The following ALK variants were observed in gnomAD, a reference collection of about 807,000 sequenced individuals.
The protein encoded by ALK is ALK receptor tyrosine kinase.
ALK carries 74 observed loss-of-function variants against 163.1 expected under a neutral mutation model. The observed-to-expected ratio is 0.45, with a 90% confidence interval of 0.38 to 0.55. The LOEUF (loss-of-function observed/expected upper bound fraction) is 0.55, where lower values mean the gene tolerates loss of function less well. ALK is among the 20% of genes least tolerant of loss of function. The probability of loss-of-function intolerance (pLI) is 0.00; values close to 1 mark genes in which losing one functional copy is unlikely to be tolerated. For missense variants in ALK, 2,063 were observed against 2,105.3 expected (o/e 0.98, Z 0.39); for synonymous variants, 960 against 843.2 (o/e 1.14, Z -2.40).
At chr2:29,579,148 C>T (rs1234326967) in intron 3 of ALK, among the ~76,000 whole-genome samples, 1 of 152,232 alleles carries the variant, frequency 6.6e-6, no homozygotes, top group South Asian at 2.1e-4. Flanking sequence ...AGTAGCACAA[C>T]AGAAAATGCC....
At chr2:29,501,013 T>TCC (rs1214408817) in intron 4 of ALK, among the ~76,000 whole-genome samples, 2 of 152,072 alleles carry the variant, frequency 1.3e-5, no homozygotes, top group Non-Finnish European at 2.9e-5. Context: ...GACTGGGCTG[T>TCC]CCCCCAGGAG....
chr2:29,195,954 C>T (rs192978433), intron 28 of ALK, among the ~76,000 whole-genome samples: 14 of 152,036 alleles, frequency 9.2e-5, no homozygotes, highest in Admixed American at 2.0e-4. Flanking sequence ...TGAGAAATGG[C>T]GGCAGAGGCA....
intron 1 of ALK, among the ~76,000 whole-genome samples, chr2:29,828,310 G>A (rs1366586953): frequency 6.6e-6 from 1 of 152,134 alleles, no homozygotes; most frequent in East Asian, 1.9e-4. Flanking sequence ...AGCCAAAATT[G>A]ACAAATGGGA....
chr2:29,786,355 T>C (rs1664024381), intron 1 of ALK, among the ~76,000 whole-genome samples: 1 of 152,222 alleles, frequency 6.6e-6, no homozygotes, highest in Non-Finnish European at 1.5e-5. Context: ...AACCATCTTA[T>C]TCCATTTAAC....
intron 4 of ALK, among the ~76,000 whole-genome samples, chr2:29,478,102 C>T (rs535498360): frequency 1.3e-4 from 20 of 152,306 alleles, no homozygotes; most frequent in African/African-American, 4.8e-4. Flanking sequence ...TCAAAGCTCC[C>T]CAGGTTTGCT....
chr2:29,781,930 G>A (rs1383539207), intron 1 of ALK, among the ~76,000 whole-genome samples: 2 of 152,166 alleles, frequency 1.3e-5, no homozygotes, highest in Admixed American at 6.5e-5. Context: ...CGCCCCGACA[G>A]CCTGAGTGCA....
chr2:29,678,238 T>C (rs1373694365), intron 3 of ALK, among the ~76,000 whole-genome samples: 1 of 151,970 alleles, frequency 6.6e-6, no homozygotes, highest in Admixed American at 6.6e-5. Flanking sequence ...TTTGTTATTC[T>C]TTTCAAATAA....
intron 4 of ALK, among the ~76,000 whole-genome samples, chr2:29,402,567 G>A (rs542080596): frequency 3.0e-4 from 45 of 152,206 alleles, no homozygotes; most frequent in Non-Finnish European, 5.6e-4. Flanking sequence ...AAGATACACC[G>A]TATAATAGGT....
At chr2:29,904,972 C>T (rs1667501152) in intron 1 of ALK, among the ~76,000 whole-genome samples, 1 of 152,178 alleles carries the variant, frequency 6.6e-6, no homozygotes. Context: ...TCTGTTTTAA[C>T]AGTAAATGTC....
At chr2:29,425,916 A>T (rs994260278) in intron 4 of ALK, among the ~76,000 whole-genome samples, 4 of 152,170 alleles carry the variant, frequency 2.6e-5, no homozygotes, top group Admixed American at 2.0e-4. Flanking sequence ...TCCAGAGAGA[A>T]CCATGGAAAT....
At chr2:29,460,901 G>C (rs1257408573) in intron 4 of ALK, among the ~76,000 whole-genome samples, 2 of 152,138 alleles carry the variant, frequency 1.3e-5, no homozygotes, top group Non-Finnish European at 2.9e-5. Flanking sequence ...CAGACCAAAA[G>C]CTAGGCCTCT....
At chr2:29,738,556 C>T (rs532289131) in intron 1 of ALK, among the ~76,000 whole-genome samples, 2 of 152,032 alleles carry the variant, frequency 1.3e-5, no homozygotes, top group South Asian at 2.1e-4. Context: ...GAAGGTTGCC[C>T]AGGTTTTTAG....
chr2:29,356,856 G>T (rs1668259357), intron 5 of ALK, among the ~76,000 whole-genome samples: 2 of 152,174 alleles, frequency 1.3e-5, no homozygotes, highest in Admixed American at 6.5e-5. Context: ...CCTGAGTTCA[G>T]CCAGGGTTAA....
At chr2:29,910,968 A>AAAC (rs374826747) in intron 1 of ALK, among the ~76,000 whole-genome samples, 3,193 of 152,026 alleles carry the variant, frequency 0.021, 101 homozygotes, top group African/African-American at 0.071. Flanking sequence ...ACTCTGGACG[A>AAAC]AACAACAACA....
rs189909588 is a variant in ALK at position 29,656,751 on chromosome 2, T to G, written c.952+38099A>C. On this transcript the variant is annotated intron_variant, in intron 3 of 28. Transcript: ENST00000389048. ...CTTTGTGGAGAGACTCAGAATCCAA[T>G]GAGCAAGGAGGGATCAAACCTTATG... Among the ~76,000 whole-genome samples the G allele has an allele frequency of 2.0e-3, 306 of 152,220 alleles. 1 individual carries two copies. Among genetic ancestry groups the G allele is most frequent in the Non-Finnish European group, 2.7e-3 (183 of 68,008 alleles).
At chr2:29,716,496 G>A (rs1679259095) in intron 2 of ALK, among the ~76,000 whole-genome samples, 2 of 152,304 alleles carry the variant, frequency 1.3e-5, no homozygotes, top group Admixed American at 6.5e-5. Context: ...GCTACTATGA[G>A]CTGTTAGAAT....
chr2:29,407,625 T>C (rs1424815573), intron 4 of ALK, among the ~76,000 whole-genome samples: 1 of 152,236 alleles, frequency 6.6e-6, no homozygotes, highest in Non-Finnish European at 1.5e-5. Flanking sequence ...TCTCTGGGAC[T>C]GTCTTTATAT....
chr2:29,559,737 A>C (rs1011272537), intron 3 of ALK, among the ~76,000 whole-genome samples: 1 of 149,174 alleles, frequency 6.7e-6, no homozygotes, highest in African/African-American at 2.5e-5. Context: ...GCCTGTGTTC[A>C]TGATGTGTGT....
chr2:29,456,513 A>G (rs1670957129), intron 4 of ALK, among the ~76,000 whole-genome samples: 2 of 152,152 alleles, frequency 1.3e-5, no homozygotes, highest in Non-Finnish European at 2.9e-5. Context: ...AGAGTAGTCA[A>G]ATTCATAGAG....
Sources: gnomAD v4.1 joint callset for allele counts (sites outside exome capture counted in the v4.1 genomes callset) on GRCh38, gnomAD v4.1.1 for gene constraint, MANE v1.5 for transcripts, NCBI Gene and HGNC (gene_info 2026-07-23, HGNC 2026-07-21) for gene names.